Variants in EIF2AK3 observed in about 807,000 individuals in gnomAD.
EIF2AK3 encodes eukaryotic translation initiation factor 2-alpha kinase 3.
A neutral mutation model predicts 113.5 loss-of-function variants in EIF2AK3; 50 were observed. That is an observed-to-expected ratio of 0.44 (90% CI 0.35 to 0.56). EIF2AK3 has a LOEUF of 0.56. Among genes scored for constraint, EIF2AK3 ranks in the 20% least tolerant of loss-of-function variants. EIF2AK3 has a pLI of 0.00. For synonymous variants in EIF2AK3, 448 were observed against 495.4 expected (o/e 0.90, Z 1.27); for missense variants, 1,185 against 1,378.0 (o/e 0.86, Z 2.22).
intron 2 of EIF2AK3, among the ~76,000 whole-genome samples, chr2:88,601,997 G>A (rs536172016): frequency 1.5e-4 from 23 of 151,676 alleles, no homozygotes; most frequent in East Asian, 3.9e-4. Context: ...GACTACAGGC[G>A]CCTACCACCA....
chr2:88,624,091 A>C (rs1675800197), intron 1 of EIF2AK3, among the ~76,000 whole-genome samples: 1 of 151,928 alleles, frequency 6.6e-6, no homozygotes, highest in Non-Finnish European at 1.5e-5. Flanking sequence ...TCCCAGGTTC[A>C]AGTGATTCTC....
chr2:88,588,653 A>G, intron 7 of EIF2AK3, 108 bp downstream of exon 7: 1 of 1,093,810 alleles, frequency 9.1e-7, no homozygotes, highest in Non-Finnish European at 1.3e-6. Flanking sequence ...ATAAAATATA[A>G]AGTATATAAC....
chr2:88,577,148 T>C (rs1032170087), intron 11 of EIF2AK3, among the ~76,000 whole-genome samples: 4 of 151,828 alleles, frequency 2.6e-5, no homozygotes, highest in African/African-American at 9.7e-5. Context: ...CACACCCAGG[T>C]AATTTTGTGT....
chr2:88,582,536 A>G (rs961547818), intron 10 of EIF2AK3, among the ~76,000 whole-genome samples: 1 of 152,208 alleles, frequency 6.6e-6, no homozygotes, highest in Non-Finnish European at 1.5e-5. Context: ...CTGTGACCAC[A>G]TGACAGGTAT....
intron 3 of EIF2AK3, among the ~76,000 whole-genome samples, chr2:88,595,167 A>T (rs183414200): frequency 0.012 from 1,686 of 137,238 alleles, 15 homozygotes; most frequent in Non-Finnish European, 0.019. Context: ...GATTGCCATG[A>T]GCTGAGATCA....
chr2:88,590,212 G>A (rs1450495673), intron 6 of EIF2AK3, among the ~76,000 whole-genome samples: 2 of 152,156 alleles, frequency 1.3e-5, no homozygotes, highest in Non-Finnish European at 2.9e-5. Context: ...TCTAGCCTGG[G>A]CGACAAGAGT....
intron 2 of EIF2AK3, among the ~76,000 whole-genome samples, chr2:88,608,909 T>C (rs1219155762): frequency 6.6e-6 from 1 of 150,968 alleles, no homozygotes; most frequent in East Asian, 2.0e-4. Flanking sequence ...GTATTTTGTA[T>C]TTTTTGTAGA....
chr2:88,602,915 T>C (rs1333970536), intron 2 of EIF2AK3, among the ~76,000 whole-genome samples: 1 of 151,856 alleles, frequency 6.6e-6, no homozygotes, highest in Non-Finnish European at 1.5e-5. Flanking sequence ...CATGTATACC[T>C]ATGTAACAAA....
In EIF2AK3 at chr2:88,599,017, GT is replaced by G. The variant is rs529129725; in HGVS notation, c.439-3355del. Reference sequence around the variant, plus strand: ...GGTAGGTAAAGTCTGAGCACATAAGGTTTTTTTTTTTCTTTTTTGGTACCAC... The same window carrying G: ...GGTAGGTAAAGTCTGAGCACATAAGGTTTTTTTTTTCTTTTTTGGTACCAC... On this transcript the variant is annotated intron_variant, in intron 2 of 16. Transcript: ENST00000303236. Among the ~76,000 whole-genome samples the G allele has an allele frequency of 1.8e-4, 27 of 147,102 alleles. No individual in the cohort carries two copies. In the East Asian group the frequency reaches 2.0e-3, roughly 11 times the overall value.
intron 13 of EIF2AK3, among the ~76,000 whole-genome samples, chr2:88,571,998 T>C (rs1448375664): frequency 6.6e-6 from 1 of 152,164 alleles, no homozygotes; most frequent in Non-Finnish European, 1.5e-5. Flanking sequence ...TTCATAGCCC[T>C]TGAAATGAGG....
intron 2 of EIF2AK3, chr2:88,595,943 G>A (rs1341909048): frequency 2.1e-6 from 1 of 468,608 alleles, no homozygotes; most frequent in African/African-American, 2.0e-5. Flanking sequence ...GGGCCAAAAG[G>A]GTCCCATAAT....
At chr2:88,583,939 A>G (rs1172455734) in intron 9 of EIF2AK3, among the ~76,000 whole-genome samples, 4 of 152,220 alleles carry the variant, frequency 2.6e-5, no homozygotes, top group African/African-American at 9.6e-5. Context: ...CAACAACAAC[A>G]AAAAGACTAG....
At chr2:88,621,008 T>C (rs1387363156) in intron 1 of EIF2AK3, among the ~76,000 whole-genome samples, 1 of 152,238 alleles carries the variant, frequency 6.6e-6, no homozygotes, top group Non-Finnish European at 1.5e-5. Flanking sequence ...AAGATGTGAT[T>C]TACCTAAGGT....
rs578043529 is a variant in EIF2AK3 at position 88,608,298 on chromosome 2, C to T, written c.438+5426G>A. Among the ~76,000 whole-genome samples the T allele has an allele frequency of 2.1e-4, 32 of 152,048 alleles. 1 individual carries two copies. In the South Asian group the frequency reaches 5.8e-3, roughly 28 times the overall value. On this transcript the variant is annotated intron_variant, in intron 2 of 16. Coordinates refer to ENST00000303236, the MANE Select transcript of EIF2AK3 (RefSeq NM_004836.7). ...CCCAGGCTGGCCTCAAACTCCTGGG[C>T]TCAACTGGGCCCAGCCTCCTGAGTA...
intron 2 of EIF2AK3, among the ~76,000 whole-genome samples, chr2:88,606,385 G>C (rs1573416559): frequency 6.6e-6 from 1 of 152,104 alleles, no homozygotes; most frequent in Non-Finnish European, 1.5e-5. Context: ...AATTAGCTTA[G>C]TTCACAGCAC....
At chr2:88,619,287 G>A (rs553109583) in intron 1 of EIF2AK3, among the ~76,000 whole-genome samples, 56 of 152,182 alleles carry the variant, frequency 3.7e-4, no homozygotes, top group Non-Finnish European at 4.6e-4. Context: ...CACCGTGCCC[G>A]GCCTCACCTA....
At chr2:88,558,417 T>A (rs1673844422) in intron 16 of EIF2AK3, among the ~76,000 whole-genome samples, 1 of 152,210 alleles carries the variant, frequency 6.6e-6, no homozygotes, top group African/African-American at 2.4e-5. Context: ...TTTTCTTGGT[T>A]TTTAAAAATC....
chr2:88,613,937 C>T, intron 1 of EIF2AK3, 84 bp from the exon 2 acceptor site: 1 of 1,271,762 alleles, frequency 7.9e-7, no homozygotes, highest in South Asian at 1.3e-5. Flanking sequence ...GAAAACCAGC[C>T]CATGTCCAGG....
rs1158301139 is a variant in EIF2AK3 at position 88,627,415 on chromosome 2, C to T, written c.-141G>A. ...GGCCTGGACAGCCAGCCGTGTTCCCCTGGCCACGTCTCAGCCCGGCCTCTG... is the reference window on the plus strand; with the variant it reads ...GGCCTGGACAGCCAGCCGTGTTCCCTTGGCCACGTCTCAGCCCGGCCTCTG... On this transcript the variant is annotated 5_prime_UTR_variant, in exon 1 of 17. Transcript: ENST00000303236. 12 of 1,068,808 alleles carry T rather than the reference C, an allele frequency of 1.1e-5. No individual in the cohort carries two copies. The highest frequency in any genetic ancestry group is 1.3e-5 in the Non-Finnish European group (11 of 820,280). The allele number at this position is 1,068,808 out of a possible 1,614,324, so 66.2% of individuals were successfully genotyped here.
Sources: gnomAD v4.1 joint callset for allele counts (sites outside exome capture counted in the v4.1 genomes callset) on GRCh38, gnomAD v4.1.1 for gene constraint, MANE v1.5 for transcripts, NCBI Gene and HGNC (gene_info 2026-07-23, HGNC 2026-07-21) for gene names.